Variants in FRMD5 observed in about 807,000 individuals in gnomAD.
FRMD5 encodes FERM domain containing 5, also known as FERM domain-containing protein 5.
A neutral mutation model predicts 69.0 loss-of-function variants in FRMD5; 20 were observed. The observed-to-expected ratio is 0.29, with a 90% confidence interval of 0.20 to 0.42. The LOEUF is 0.42. Among genes scored for constraint, FRMD5 ranks in the 10% least tolerant of loss-of-function variants. The pLI is 1.00. For missense variants in FRMD5, 595 were observed against 708.6 expected (o/e 0.84, Z 1.82); for synonymous variants, 271 against 260.1 (o/e 1.04, Z -0.40).
chr15:43,986,998 T>C (rs1889427140), intron 1 of FRMD5, among the ~76,000 whole-genome samples: 1 of 152,184 alleles, frequency 6.6e-6, no homozygotes, highest in Non-Finnish European at 1.5e-5. Flanking sequence ...TGCAATTGTT[T>C]TGAGGTGCCA....
chr15:44,137,629 A>G (rs1235781690), intron 1 of FRMD5, among the ~76,000 whole-genome samples: 2 of 152,210 alleles, frequency 1.3e-5, no homozygotes, highest in African/African-American at 4.8e-5. Flanking sequence ...AAATTAGCCC[A>G]TCTATCATAC....
chr15:43,972,501 T>C (rs1233593809), intron 1 of FRMD5, among the ~76,000 whole-genome samples: 1 of 152,112 alleles, frequency 6.6e-6, no homozygotes, highest in Non-Finnish European at 1.5e-5. Context: ...CCTTTCTATA[T>C]CTAGTAGATC....
At chr15:43,875,162 A>C (rs897431395) in intron 13 of FRMD5, among the ~76,000 whole-genome samples, 5 of 151,820 alleles carry the variant, frequency 3.3e-5, no homozygotes, top group Admixed American at 1.3e-4. Flanking sequence ...GTGCCACTGC[A>C]CTCCAGCCTG....
intron 1 of FRMD5, among the ~76,000 whole-genome samples, chr15:44,049,708 AAATGTTATTT>A (rs1042700984): frequency 3.0e-4 from 45 of 152,326 alleles, no homozygotes; most frequent in African/African-American, 1.1e-3. Context: ...GTCAGTCAAC[AAATGTTATTT>A]AATACCTACT....
chr15:44,083,893 G>C (rs540272212), intron 1 of FRMD5, among the ~76,000 whole-genome samples: 1 of 151,962 alleles, frequency 6.6e-6, no homozygotes, highest in South Asian at 2.1e-4. Flanking sequence ...CTTGTCATTT[G>C]TACTGTTTGA....
At chr15:44,104,856 G>T (rs376125616) in intron 1 of FRMD5, among the ~76,000 whole-genome samples, 13 of 152,050 alleles carry the variant, frequency 8.5e-5, no homozygotes, top group African/African-American at 3.1e-4. Context: ...TTCTCGATTG[G>T]TTTCTTTCAT....
chr15:44,124,958 AAAC>A (rs1351841033), intron 1 of FRMD5, among the ~76,000 whole-genome samples: 1 of 152,078 alleles, frequency 6.6e-6, no homozygotes, highest in Non-Finnish European at 1.5e-5. Context: ...ATCTCATCTC[AAAC>A]AACAACAAAA....
intron 1 of FRMD5, among the ~76,000 whole-genome samples, chr15:44,010,442 A>G (rs1342521393): frequency 2.0e-5 from 3 of 150,414 alleles, no homozygotes; most frequent in Admixed American, 1.3e-4. Flanking sequence ...CTATCACCCA[A>G]GCTGGAGTGC....
intron 1 of FRMD5, among the ~76,000 whole-genome samples, chr15:43,940,169 ACT>A (rs1429248015): frequency 2.6e-5 from 4 of 152,110 alleles, no homozygotes; most frequent in Admixed American, 1.3e-4. Flanking sequence ...ACAGGGCAAA[ACT>A]CTGTCTCAAA....
chr15:43,879,561 A>G, intron 13 of FRMD5: 1 of 399,008 alleles, frequency 2.5e-6, no homozygotes, highest in Non-Finnish European at 4.4e-6. Flanking sequence ...CCTACCCTGG[A>G]GCCGGGGCCC....
intron 1 of FRMD5, among the ~76,000 whole-genome samples, chr15:44,132,957 T>G (rs2077125274): frequency 6.6e-6 from 1 of 151,738 alleles, no homozygotes; most frequent in African/African-American, 2.4e-5. Context: ...GAGATGGGGT[T>G]TCACCACGTT....
chr15:44,000,699 A>T (rs984497561), intron 1 of FRMD5, among the ~76,000 whole-genome samples: 8 of 152,102 alleles, frequency 5.3e-5, no homozygotes, highest in African/African-American at 1.7e-4. Context: ...ATCTCAGGTG[A>T]TCCACCCACC....
intron 1 of FRMD5, among the ~76,000 whole-genome samples, chr15:44,032,112 C>T (rs1891710034): frequency 6.6e-6 from 1 of 152,142 alleles, no homozygotes; most frequent in African/African-American, 2.4e-5. Flanking sequence ...AAAAGACTCC[C>T]TATTCAATAA....
chr15:44,122,190 G>A (rs184009618), intron 1 of FRMD5, among the ~76,000 whole-genome samples: 1 of 152,070 alleles, frequency 6.6e-6, no homozygotes, highest in Admixed American at 6.5e-5. Flanking sequence ...ATTTACTTAA[G>A]GAAAGAGACA....
At chr15:44,168,695 A>G (rs1189433790) in intron 1 of FRMD5, among the ~76,000 whole-genome samples, 1 of 152,206 alleles carries the variant, frequency 6.6e-6, no homozygotes, top group Non-Finnish European at 1.5e-5. Context: ...AGGTACATCT[A>G]TATTTAGGGG....
intron 4 of FRMD5, among the ~76,000 whole-genome samples, chr15:43,916,052 C>G (rs558035876): frequency 6.6e-6 from 1 of 152,156 alleles, no homozygotes; most frequent in African/African-American, 2.4e-5. Flanking sequence ...GCCCAGGCAC[C>G]GGTGGTTCAC....
chr15:43,874,268 A>T lies in FRMD5; in HGVS notation c.1330T>A (p.Leu444Met). The change falls in exon 14 of 14, where the codon TTG (leucine) becomes ATG (methionine). Residue 444 changes from leucine to methionine, a missense_variant. Transcript: ENST00000417257. ...GCTCCATTGATCTGCCGGGAAAGCA[A>T]CATCAGCTCCAGGCTGTGCTCAGCC... ...PVAEHSLELMLLSRQINGATC... is the reference protein window; with the variant it reads ...PVAEHSLELMMLSRQINGATC... 1 of 1,614,210 alleles carries T rather than the reference A, an allele frequency of 6.2e-7. No individual in the cohort carries two copies. The highest frequency in any genetic ancestry group is 8.5e-7 in the Non-Finnish European group (1 of 1,180,036).
upstream of FRMD5, among the ~76,000 whole-genome samples, chr15:44,196,612 T>G (rs1265231264): frequency 5.3e-5 from 8 of 152,104 alleles, no homozygotes; most frequent in Admixed American, 5.2e-4. Context: ...AATGAAACTC[T>G]ACATTAGCCT....
rs546951858 is a variant in FRMD5 at position 44,168,962 on chromosome 15, G to A, written c.102+25991C>T. Among the ~76,000 whole-genome samples the A allele has an allele frequency of 3.5e-4, 54 of 152,140 alleles. No homozygotes were observed. The South Asian group carries it at 7.5e-3, about 21-fold the overall frequency. ...CCTTGATCAATATCATTTCAAGATC[G>A]CCTAGGCTACTCCTCCCCATCGCTT... On this transcript the variant is annotated intron_variant, in intron 1 of 13. Coordinates refer to ENST00000417257, the MANE Select transcript of FRMD5 (RefSeq NM_032892.5).
Sources: allele counts gnomAD v4.1 joint callset (sites outside exome capture counted in the v4.1 genomes callset), GRCh38; gene constraint gnomAD v4.1.1; transcripts MANE v1.5; gene names NCBI Gene and HGNC (gene_info 2026-07-23, HGNC 2026-07-21).